LARGE1: variants seen among roughly 807,000 people sequenced by gnomAD.
The protein encoded by LARGE1 is xylosyl- and glucuronyltransferase LARGE1.
Under a neutral mutation model 87.6 loss-of-function variants are expected in LARGE1, and 43 were observed. The observed-to-expected ratio is 0.49, with a 90% CI of 0.38 to 0.63. LARGE1 has a LOEUF of 0.63. Among genes scored for constraint, LARGE1 ranks in the 30% least tolerant of loss-of-function variants. The pLI is 0.00. For synonymous variants in LARGE1, 434 were observed against 394.6 expected (o/e 1.10, Z -1.18); for missense variants, 802 against 1,000.2 (o/e 0.80, Z 2.67).
intron 2 of LARGE1, among the ~76,000 whole-genome samples, chr22:33,680,579 T>G (rs2081734859): frequency 6.6e-6 from 1 of 152,116 alleles, no homozygotes; most frequent in African/African-American, 2.4e-5. Context: ...TTTGGGAAGG[T>G]CGTGAAAAAC....
intron 6 of LARGE1, among the ~76,000 whole-genome samples, chr22:33,485,942 C>G (rs989253357): frequency 6.6e-6 from 1 of 152,184 alleles, no homozygotes; most frequent in Non-Finnish European, 1.5e-5. Flanking sequence ...GCTGCTACAC[C>G]TCTGAGGCCC....
intron 1 of LARGE1, among the ~76,000 whole-genome samples, chr22:33,787,268 G>T (rs982445563): frequency 4.6e-5 from 7 of 151,954 alleles, no homozygotes; most frequent in African/African-American, 1.7e-4. Flanking sequence ...ACAGAATATG[G>T]GGCACTAGTT....
At chr22:33,315,958 T>C (rs1467164729) in intron 11 of LARGE1, 127 bp downstream of exon 11, 2 of 1,122,380 alleles carry the variant, frequency 1.8e-6, no homozygotes, top group Non-Finnish European at 2.6e-6. Context: ...CCATGTGCCA[T>C]CTCTTCCTGC....
chr22:33,621,404 C>T (rs559524361), intron 4 of LARGE1, among the ~76,000 whole-genome samples: 1 of 151,650 alleles, frequency 6.6e-6, no homozygotes, highest in African/African-American at 2.4e-5. Context: ...TACTCTTTTA[C>T]TATCTTTTGA....
At chr22:33,415,857 C>A (rs573496535) in intron 7 of LARGE1, among the ~76,000 whole-genome samples, 1 of 152,080 alleles carries the variant, frequency 6.6e-6, no homozygotes, top group South Asian at 2.1e-4. Flanking sequence ...GAGGGCCAGG[C>A]GGGAAACTGT....
Position 33,666,310 on chromosome 22 carries a change from C to A in LARGE1, c.107-15642G>T, listed in dbSNP as rs546925232. On this transcript the variant is annotated intron_variant, in intron 2 of 14. Transcript: ENST00000397394. ...GTATACTATTATTACACTCAGAGGGCAAGCATGGATGCAGAAGAAAGGAAA... is the reference window on the plus strand; with the variant it reads ...GTATACTATTATTACACTCAGAGGGAAAGCATGGATGCAGAAGAAAGGAAA... Among the ~76,000 whole-genome samples the A allele has an allele frequency of 5.9e-5, 9 of 152,284 alleles. 1 individual carries two copies. In the South Asian group the frequency reaches 1.9e-3, roughly 32 times the overall value.
intron 1 of LARGE1, among the ~76,000 whole-genome samples, chr22:33,863,280 G>A (rs573659514): frequency 9.2e-5 from 14 of 152,308 alleles, no homozygotes; most frequent in Middle Eastern, 3.4e-3. Context: ...CATTTGCCAT[G>A]GAGAAGCACT....
chr22:33,780,373 C>CAA (rs2085379875), intron 1 of LARGE1, among the ~76,000 whole-genome samples: 1 of 152,164 alleles, frequency 6.6e-6, no homozygotes, highest in Non-Finnish European at 1.5e-5. Flanking sequence ...CACTGTGAGA[C>CAA]AGAGTCAAAA....
intron 7 of LARGE1, among the ~76,000 whole-genome samples, chr22:33,392,287 G>C (rs1409171288): frequency 6.6e-6 from 1 of 151,898 alleles, no homozygotes; most frequent in Non-Finnish European, 1.5e-5. Context: ...AAAAGTCACT[G>C]TGTTTCTAAG....
intron 3 of LARGE1, among the ~76,000 whole-genome samples, chr22:33,639,789 G>A (rs940782486): frequency 3.3e-5 from 5 of 152,180 alleles, no homozygotes; most frequent in Non-Finnish European, 5.9e-5. Flanking sequence ...GATCAAAGGG[G>A]ATCGTTCTGC....
chr22:33,848,933 C>A (rs1348945420), intron 1 of LARGE1, among the ~76,000 whole-genome samples: 2 of 152,060 alleles, frequency 1.3e-5, no homozygotes, highest in African/African-American at 4.8e-5. Flanking sequence ...CAAATTCTTT[C>A]TCCTCCACCC....
At chr22:33,819,936 T>G (rs2086769999) in intron 1 of LARGE1, among the ~76,000 whole-genome samples, 1 of 152,160 alleles carries the variant, frequency 6.6e-6, no homozygotes, top group Non-Finnish European at 1.5e-5. Context: ...CAGCGTGATG[T>G]GGGCCCTACC....
the LARGE1 span, among the ~76,000 whole-genome samples, chr22:33,103,248 A>G: frequency 7.2e-5 from 11 of 151,938 alleles, no homozygotes; most frequent in African/African-American, 2.7e-4. Context: ...CCTGGCTAAC[A>G]AGGTGAAACT....
chr22:33,146,365 A>T, the LARGE1 span, among the ~76,000 whole-genome samples: 1 of 152,206 alleles, frequency 6.6e-6, no homozygotes, highest in Non-Finnish European at 1.5e-5. Context: ...AATTTGTTCA[A>T]GTTGGCTCAA....
intron 6 of LARGE1, among the ~76,000 whole-genome samples, chr22:33,494,400 G>A (rs1569211662): frequency 6.6e-6 from 1 of 152,208 alleles, no homozygotes; most frequent in Non-Finnish European, 1.5e-5. Context: ...TGACTGAGCT[G>A]CTTCTAAAAT....
chr22:33,422,252 T>A (rs1180465789), intron 7 of LARGE1, among the ~76,000 whole-genome samples: 1 of 152,162 alleles, frequency 6.6e-6, no homozygotes, highest in Non-Finnish European at 1.5e-5. Flanking sequence ...TAATTACACA[T>A]AATTGTTAAG....
intron 11 of LARGE1, among the ~76,000 whole-genome samples, chr22:33,236,809 C>G (rs1196508728): frequency 1.3e-5 from 2 of 152,158 alleles, no homozygotes; most frequent in African/African-American, 4.8e-5. Context: ...GATGTGGCAG[C>G]TACCTCAGGG....
At chr22:33,228,090 C>G (rs1925822287) in intron 11 of LARGE1, among the ~76,000 whole-genome samples, 1 of 152,248 alleles carries the variant, frequency 6.6e-6, no homozygotes, top group Non-Finnish European at 1.5e-5. Flanking sequence ...GATTTGAATA[C>G]TGGCTCTACC....
intron 8 of LARGE1, among the ~76,000 whole-genome samples, chr22:33,383,987 C>T (rs73166264): frequency 7.4e-4 from 112 of 152,256 alleles, no homozygotes; most frequent in Non-Finnish European, 1.3e-3. Context: ...GAAAGTCTGC[C>T]GAATGAACAA....
Sources: gnomAD v4.1 joint callset for allele counts (sites outside exome capture counted in the v4.1 genomes callset) on GRCh38, gnomAD v4.1.1 for gene constraint, MANE v1.5 for transcripts, NCBI Gene and HGNC (gene_info 2026-07-23, HGNC 2026-07-21) for gene names.